Variants in SLK observed in about 807,000 individuals in gnomAD.
The protein encoded by SLK is STE20 like kinase.
SLK carries 67 observed loss-of-function variants against 147.7 expected under a neutral mutation model. The observed-to-expected ratio is 0.45, with a 90% CI of 0.37 to 0.56. The LOEUF (loss-of-function observed/expected upper bound fraction) is 0.56. Ranked by LOEUF, SLK falls within the 20% of genes least tolerant of loss-of-function variation. SLK has a pLI of 0.00. For synonymous variants in SLK, 441 were observed against 475.0 expected (o/e 0.93, Z 0.93); for missense variants, 1,136 against 1,438.8 (o/e 0.79, Z 3.41).
Position 103,992,973 on chromosome 10 carries a change from T to C in SLK, c.365-11T>C. 1 of 1,599,728 alleles carries C rather than the reference T, an allele frequency of 6.3e-7. No individual in the cohort carries two copies. Among genetic ancestry groups the C allele is most frequent in the Admixed American group, 1.8e-5 (1 of 57,106 alleles). On this transcript the variant is annotated splice_polypyrimidine_tract_variant and intron_variant, in intron 3 of 18. Transcript: ENST00000369755. ...AAAAAGCAGATTTTTTTTTTTACTTTCTCCTTATAGAACTTGAGAGACCAT... is the reference window on the plus strand; with the variant it reads ...AAAAAGCAGATTTTTTTTTTTACTTCCTCCTTATAGAACTTGAGAGACCAT...
chr10:104,022,193 G>C (rs944594794), intron 18 of SLK, among the ~76,000 whole-genome samples: 1 of 152,054 alleles, frequency 6.6e-6, no homozygotes, highest in African/African-American at 2.4e-5. Context: ...TATGAGAGGG[G>C]GTGTGTGCCA....
At chr10:104,021,883 T>A (rs1844539778) in intron 18 of SLK, 150 bp downstream of exon 18, 1 of 549,260 alleles carries the variant, frequency 1.8e-6, no homozygotes, top group Non-Finnish European at 3.3e-6. Flanking sequence ...AGTTTTGGAA[T>A]CTAGTGACAA....
chr10:103,982,113 T>C (rs964424598), intron 1 of SLK, among the ~76,000 whole-genome samples: 2 of 152,228 alleles, frequency 1.3e-5, no homozygotes, highest in South Asian at 2.1e-4. Flanking sequence ...CCTTACTATT[T>C]AAAAGTCTTT....
chr10:103,995,829 A>G (rs1228097853), intron 4 of SLK, among the ~76,000 whole-genome samples: 1 of 152,178 alleles, frequency 6.6e-6, no homozygotes, highest in Middle Eastern at 3.2e-3. Context: ...TATATTGGCC[A>G]TTGTTCTAGG....
intron 1 of SLK, among the ~76,000 whole-genome samples, chr10:103,986,202 T>C (rs1844010291): frequency 6.6e-6 from 1 of 151,934 alleles, no homozygotes; most frequent in South Asian, 2.1e-4. Flanking sequence ...GTTTATTGTA[T>C]ACTTTGTTTG....
chr10:103,996,400 C>CTTTTTTTT (rs555751299), intron 4 of SLK, among the ~76,000 whole-genome samples: 1 of 106,458 alleles, frequency 9.4e-6, no homozygotes, highest in Non-Finnish European at 1.9e-5. Context: ...TTTTTCTTTT[C>CTTTTTTTT]TTTTTTTTTT....
intron 1 of SLK, among the ~76,000 whole-genome samples, chr10:103,981,291 A>G (rs1465185702): frequency 1.3e-5 from 2 of 151,930 alleles, no homozygotes; most frequent in East Asian, 3.8e-4. Context: ...CTGTCACTTT[A>G]TAGGTTGCCA....
chr10:103,972,152 T>C (rs1754836449), intron 1 of SLK, among the ~76,000 whole-genome samples: 1 of 152,256 alleles, frequency 6.6e-6, no homozygotes, highest in Non-Finnish European at 1.5e-5. Context: ...CATTGTATTC[T>C]ATTATATGAT....
At chr10:104,016,204 G>A (rs372740068) in intron 13 of SLK, among the ~76,000 whole-genome samples, 23 of 151,818 alleles carry the variant, frequency 1.5e-4, no homozygotes, top group Admixed American at 2.0e-4. Flanking sequence ...CTGTAGTCCC[G>A]GCTACTCAGG....
chr10:104,001,634 T>C (rs1209059795), intron 8 of SLK, 62 bp downstream of exon 8: 3 of 1,580,982 alleles, frequency 1.9e-6, no homozygotes, highest in African/African-American at 2.7e-5. Context: ...GTGTAGTTGC[T>C]CCTGTATCTA....
chr10:103,979,004 T>TGTTA lies in SLK; in HGVS notation c.150+11109_150+11110insGTTA, dbSNP rs1813665353. Among the ~76,000 whole-genome samples the TGTTA allele has an allele frequency of 4.9e-5, 3 of 60,960 alleles. No individual in the cohort carries two copies. The South Asian group carries it at 1.8e-3, about 36-fold the overall frequency. 40.0% of individuals were successfully genotyped at this position (60,960 alleles called of 152,430 possible). A position where few individuals can be genotyped will look rare whatever the true frequency, so the allele number is the denominator to read the frequency against. ...AAGAAATGTACTGGAAATCAAGATATTTTATTAATTTTAATTTTAATATTT... is the reference window on the plus strand; with the variant it reads ...AAGAAATGTACTGGAAATCAAGATATGTTATTTATTAATTTTAATTTTAATATTT... On this transcript the variant is annotated intron_variant, in intron 1 of 18. Transcript: ENST00000369755.
intron 1 of SLK, among the ~76,000 whole-genome samples, chr10:103,987,197 A>G (rs1282540353): frequency 6.6e-6 from 1 of 152,202 alleles, no homozygotes; most frequent in Admixed American, 6.5e-5. Flanking sequence ...AACTTTTATT[A>G]TTTATATTAA....
chr10:103,968,994 G>A (rs1783843013), intron 1 of SLK, among the ~76,000 whole-genome samples: 1 of 151,822 alleles, frequency 6.6e-6, no homozygotes, highest in African/African-American at 2.4e-5. Context: ...TTGAGACGGA[G>A]TTTCGCCCCT....
chr10:103,978,910 G>A (rs1843904700), intron 1 of SLK, among the ~76,000 whole-genome samples: 1 of 152,034 alleles, frequency 6.6e-6, no homozygotes. Flanking sequence ...CTCCTTTCTT[G>A]GAAAGTGTGA....
chr10:103,969,496 G>A (rs1020546421), intron 1 of SLK, among the ~76,000 whole-genome samples: 3 of 152,116 alleles, frequency 2.0e-5, no homozygotes, highest in Non-Finnish European at 2.9e-5. Context: ...TACATATTTG[G>A]GTTCATTCAC....
Position 104,018,639 on chromosome 10 carries a change from CA to C in SLK, c.3008-144del, listed in dbSNP as rs1309471003. On this transcript the variant is annotated intron_variant, in intron 14 of 18. Transcript: ENST00000369755. Reference sequence around the variant, plus strand: ...AATAGATATTGCCTTACATTGGTTACAGTTGCACTTGGACAGCTCAGAATGT... The same window carrying C: ...AATAGATATTGCCTTACATTGGTTACGTTGCACTTGGACAGCTCAGAATGT... 5.2e-6 allele frequency: 4 copies of C among 775,166 alleles called. No homozygotes were observed. The African/African-American group carries it at 7.1e-5, about 14-fold the overall frequency. 48.0% of individuals were successfully genotyped at this position (775,166 alleles called of 1,614,324 possible).
chr10:104,028,548 T>C lies in SLK; in HGVS notation c.*2828T>C, dbSNP rs1409694774. 6.6e-6 allele frequency: 1 copy of C among 152,226 alleles called. No homozygotes were observed. Among genetic ancestry groups the C allele is most frequent in the Non-Finnish European group, 1.5e-5 (1 of 68,036 alleles). The allele number at this position is 152,226 out of a possible 1,614,324, so 9.4% of individuals were successfully genotyped here. A position where few individuals can be genotyped will look rare whatever the true frequency, so the allele number is the denominator to read the frequency against. ...ATATTAGAACTCTCTTGTGACAGGATACAGCAAATTATAATTAAATATAAA... is the reference window on the plus strand; with the variant it reads ...ATATTAGAACTCTCTTGTGACAGGACACAGCAAATTATAATTAAATATAAA... On this transcript the variant is annotated 3_prime_UTR_variant, in exon 19 of 19. Transcript: ENST00000369755.
At chr10:103,984,483 G>A (rs1447831791) in intron 1 of SLK, among the ~76,000 whole-genome samples, 1 of 152,050 alleles carries the variant, frequency 6.6e-6, no homozygotes, top group Non-Finnish European at 1.5e-5. Flanking sequence ...GTGCAATCTT[G>A]GCTCACTGCA....
At chr10:104,020,376 A>T (rs747528129) in intron 16 of SLK, 112 bp from the exon 17 acceptor site, 13 of 1,012,692 alleles carry the variant, frequency 1.3e-5, no homozygotes, top group Non-Finnish European at 1.9e-5. Context: ...GCATATTATT[A>T]CTTGTAGCTT....
Sources: gnomAD v4.1 joint callset for allele counts (sites outside exome capture counted in the v4.1 genomes callset) on GRCh38, gnomAD v4.1.1 for gene constraint, MANE v1.5 for transcripts, NCBI Gene and HGNC (gene_info 2026-07-23, HGNC 2026-07-21) for gene names.